Variants in CNTNAP5 observed in about 807,000 individuals in gnomAD.
The protein encoded by CNTNAP5 is contactin associated protein family member 5.
Under a neutral mutation model 150.2 loss-of-function variants are expected in CNTNAP5, and 72 were observed. The observed-to-expected ratio is 0.48, with a 90% CI of 0.40 to 0.58. The LOEUF is 0.58. CNTNAP5 is among the 20% of genes least tolerant of loss of function. The pLI is 0.00. For missense variants in CNTNAP5, 1,636 were observed against 1,626.2 expected (o/e 1.01, Z -0.10); for synonymous variants, 672 against 619.8 (o/e 1.08, Z -1.25).
intron 1 of CNTNAP5, among the ~76,000 whole-genome samples, chr2:124,151,512 C>T (rs1362404750): frequency 2.6e-5 from 4 of 152,236 alleles, no homozygotes; most frequent in East Asian, 1.9e-4. Context: ...ATTGTGTTAC[C>T]GAGATGTTCT....
intron 3 of CNTNAP5, among the ~76,000 whole-genome samples, chr2:124,256,189 C>A (rs545826024): frequency 3.3e-5 from 5 of 152,078 alleles, no homozygotes; most frequent in East Asian, 3.9e-4. Context: ...ATAAAAAAAA[C>A]CTTCGTTCGG....
rs62173298 is a variant in CNTNAP5 at position 124,892,738 on chromosome 2, C to A, written c.3437-10144C>A. Among the ~76,000 whole-genome samples, 449 of 152,194 alleles carry A rather than the reference C, an allele frequency of 3.0e-3. 2 individuals carry two copies. Among genetic ancestry groups the A allele is most frequent in the Middle Eastern group, 0.02 (6 of 294 alleles). Reference sequence around the variant, plus strand: ...TCCAATGTTTTGTTCTCAGTTCGACCTCAATTAGTATTTACCGAATTGAAT... The same window carrying A: ...TCCAATGTTTTGTTCTCAGTTCGACATCAATTAGTATTTACCGAATTGAAT... On this transcript the variant is annotated intron_variant, in intron 21 of 23. Transcript: ENST00000682447.
chr2:124,025,376 T>C lies in CNTNAP5; in HGVS notation c.-275T>C. ...CTAATTGGGTTTGGATTTGCACCGT[T>C]AAGGAGGGGGGAAGAGAAGGAAGAG... On this transcript the variant is annotated 5_prime_UTR_variant, in exon 1 of 24. Coordinates refer to ENST00000682447, the MANE Select transcript of CNTNAP5 (RefSeq NM_001367498.1). 2 of 492,518 alleles carry C rather than the reference T, an allele frequency of 4.1e-6. No individual in the cohort carries two copies. The highest frequency in any genetic ancestry group is 7.4e-6 in the Non-Finnish European group (2 of 268,914). The allele number at this position is 492,518 out of a possible 1,614,324, so 30.5% of individuals were successfully genotyped here. A position where few individuals can be genotyped will look rare whatever the true frequency, so the allele number is the denominator to read the frequency against.
intron 16 of CNTNAP5, among the ~76,000 whole-genome samples, chr2:124,771,140 C>T (rs1437731686): frequency 6.6e-6 from 1 of 152,144 alleles, no homozygotes; most frequent in Non-Finnish European, 1.5e-5. Flanking sequence ...GAAGAAAGTG[C>T]TCTGAGGTGG....
Position 124,199,416 on chromosome 2 carries a change from T to TA in CNTNAP5, c.83-22289_83-22288insA, listed in dbSNP as rs1261522853. Among the ~76,000 whole-genome samples the TA allele has an allele frequency of 2.3e-3, 338 of 145,126 alleles. 3 individuals are homozygous for TA. Among genetic ancestry groups the TA allele is most frequent in the Middle Eastern group, 0.018 (5 of 284 alleles). On this transcript the variant is annotated intron_variant, in intron 1 of 23. Transcript: ENST00000682447. ...TTGTTACATTTATTCCAAGGTTCTTTTTTTTTTTTTTTTTTTGAGACGGAG... is the reference window on the plus strand; with the variant it reads ...TTGTTACATTTATTCCAAGGTTCTTTATTTTTTTTTTTTTTTTGAGACGGAG...
chr2:124,687,800 T>C (rs1470489258), intron 13 of CNTNAP5, among the ~76,000 whole-genome samples: 1 of 152,156 alleles, frequency 6.6e-6, no homozygotes, highest in Non-Finnish European at 1.5e-5. Flanking sequence ...TTAGTTACCA[T>C]GTACATAAAA....
chr2:124,408,261 C>G (rs902636496), intron 3 of CNTNAP5, among the ~76,000 whole-genome samples: 223 of 152,260 alleles, frequency 1.5e-3, no homozygotes, highest in Non-Finnish European at 7.2e-4. Context: ...TGATTGCTAG[C>G]ACAGCAGTCT....
intron 19 of CNTNAP5, among the ~76,000 whole-genome samples, chr2:124,851,949 G>C (rs948475993): frequency 6.6e-6 from 1 of 152,174 alleles, no homozygotes; most frequent in East Asian, 1.9e-4. Flanking sequence ...TGGGCCAAGG[G>C]ACTTGAGGCT....
At chr2:124,773,941 TGTGTGTGAGAGAGAGA>T (rs1202247421) in intron 17 of CNTNAP5, among the ~76,000 whole-genome samples, 22 of 145,758 alleles carry the variant, frequency 1.5e-4, no homozygotes, top group Admixed American at 1.0e-3. Context: ...TGTGTGTGTG[TGTGTGTGAGAGAGAGA>T]GAGAGAGAGA....
intron 1 of CNTNAP5, among the ~76,000 whole-genome samples, chr2:124,052,467 C>T (rs1045453146): frequency 2.0e-5 from 3 of 152,180 alleles, no homozygotes. Context: ...TCCCTCTCAA[C>T]CAAGGGTCCC....
At chr2:124,235,364 C>A (rs1250867107) in intron 2 of CNTNAP5, among the ~76,000 whole-genome samples, 1 of 151,886 alleles carries the variant, frequency 6.6e-6, no homozygotes, top group Admixed American at 6.6e-5. Context: ...TGGATAGAGA[C>A]CTGAGAACAT....
intron 17 of CNTNAP5, among the ~76,000 whole-genome samples, chr2:124,787,085 ATCT>A (rs1244185390): frequency 6.6e-6 from 1 of 152,162 alleles, no homozygotes; most frequent in African/African-American, 2.4e-5. Flanking sequence ...AACCCCAGTC[ATCT>A]TCTTCTCCAT....
At chr2:124,612,304 A>C (rs991201284) in intron 12 of CNTNAP5, among the ~76,000 whole-genome samples, 5 of 152,218 alleles carry the variant, frequency 3.3e-5, no homozygotes, top group Admixed American at 2.6e-4. Context: ...ATATATATAC[A>C]TACAGACACA....
intron 1 of CNTNAP5, among the ~76,000 whole-genome samples, chr2:124,129,753 A>T (rs1322041226): frequency 1.3e-5 from 2 of 152,220 alleles, no homozygotes; most frequent in African/African-American, 4.8e-5. Flanking sequence ...CATGTTAAAT[A>T]GTATTAAGAA....
intron 21 of CNTNAP5, among the ~76,000 whole-genome samples, chr2:124,895,089 T>C (rs919897393): frequency 6.6e-6 from 1 of 151,730 alleles, no homozygotes; most frequent in East Asian, 1.9e-4. Flanking sequence ...GTTGAAATAA[T>C]GAATTCTCAA....
chr2:124,178,010 C>G (rs1233799929), intron 1 of CNTNAP5, among the ~76,000 whole-genome samples: 1 of 151,944 alleles, frequency 6.6e-6, no homozygotes, highest in African/African-American at 2.4e-5. Flanking sequence ...CCACGCCTAG[C>G]TAATTTTTGT....
chr2:124,427,339 T>G (rs957697913), intron 4 of CNTNAP5, among the ~76,000 whole-genome samples: 8 of 152,206 alleles, frequency 5.3e-5, no homozygotes, highest in African/African-American at 1.9e-4. Flanking sequence ...AAAGAGCTCT[T>G]TCTAAAAACC....
chr2:124,903,667 A>G (rs964935203), intron 22 of CNTNAP5, among the ~76,000 whole-genome samples: 2 of 152,210 alleles, frequency 1.3e-5, no homozygotes, highest in African/African-American at 4.8e-5. Flanking sequence ...GTGCATGCAC[A>G]TCTGATGAGG....
At chr2:124,882,174 C>T (rs2104738815) in intron 21 of CNTNAP5, among the ~76,000 whole-genome samples, 1 of 152,178 alleles carries the variant, frequency 6.6e-6, no homozygotes, top group Admixed American at 6.5e-5. Context: ...GAGTTTCATG[C>T]TTTGCCTAGC....
Sources: allele counts gnomAD v4.1 joint callset (sites outside exome capture counted in the v4.1 genomes callset), GRCh38; gene constraint gnomAD v4.1.1; transcripts MANE v1.5; gene names NCBI Gene and HGNC (gene_info 2026-07-23, HGNC 2026-07-21).